Variants in CNGB3 observed in about 807,000 individuals in gnomAD.
CNGB3 encodes cyclic nucleotide-gated channel beta-3.
A neutral mutation model predicts 92.8 loss-of-function variants in CNGB3; 86 were observed. The observed-to-expected ratio is 0.93, with a 90% confidence interval of 0.78 to 1.11. The LOEUF (loss-of-function observed/expected upper bound fraction) is 1.11. Ranked by LOEUF, CNGB3 falls within the 50% of genes least tolerant of loss-of-function variation. CNGB3 has a pLI of 0.00. For synonymous variants in CNGB3, 333 were observed against 332.7 expected (o/e 1.00, Z -0.01); for missense variants, 1,026 against 956.8 (o/e 1.07, Z -0.95).
intron 3 of CNGB3, among the ~76,000 whole-genome samples, chr8:86,690,933 C>A (rs1040176434): frequency 2.0e-5 from 3 of 152,132 alleles, no homozygotes; most frequent in Admixed American, 6.5e-5. Flanking sequence ...TGTTTTGGTA[C>A]CAGTACCATG....
rs141011306 is a variant in CNGB3 at position 86,661,267 on chromosome 8, C to G, written c.852+5658G>C. ...TCATTGTGCAAAAGACTATCAGGGTCGACCTTCTGCAGTTTAACATGCCAG... is the reference window on the plus strand; with the variant it reads ...TCATTGTGCAAAAGACTATCAGGGTGGACCTTCTGCAGTTTAACATGCCAG... On this transcript the variant is annotated intron_variant, in intron 6 of 17. Coordinates refer to ENST00000320005, the MANE Select transcript of CNGB3 (RefSeq NM_019098.5). The G allele has an allele frequency of 2.1e-3, 723 of 337,412 alleles. 6 individuals carry two copies. The highest frequency in any genetic ancestry group is 0.015 in the African/African-American group (663 of 45,342). 20.9% of individuals were successfully genotyped at this position (337,412 alleles called of 1,614,324 possible).
At position 86,576,034 on chromosome 8, in the gene CNGB3, C is replaced by A. The variant is rs377050872; in HGVS notation, c.2200G>T (p.Gly734Ter). Residue 734 changes from glycine (G) to a stop codon, truncating the protein, a stop_gained, in exon 18 of 18, where the codon GGA becomes TGA. Coordinates refer to ENST00000320005, the MANE Select transcript of CNGB3 (RefSeq NM_019098.5). LOFTEE classifies it low-confidence loss of function (END_TRUNC). ...EDKQKENEDK[G>*]KENEDKDKGR... ...TTATCTTTATCTTCATTTTCTTTTC[C>A]TTTATCTTCATTTTCTTTTTGTTTA... 2 of 1,608,284 alleles carry A rather than the reference C, an allele frequency of 1.2e-6. No homozygotes were observed. Among genetic ancestry groups the A allele is most frequent in the South Asian group, 2.2e-5 (2 of 89,818 alleles).
intron 6 of CNGB3, chr8:86,657,574 G>A (rs142348437): frequency 2.3e-5 from 10 of 434,852 alleles, no homozygotes; most frequent in East Asian, 1.3e-4. Flanking sequence ...TGCTGTGGGC[G>A]AGGCTCATCT....
rs570167488 is a variant in CNGB3, at chr8:86,724,038, G to A, written c.338+2493C>T. Among the ~76,000 whole-genome samples the A allele has an allele frequency of 4.6e-5, 7 of 152,252 alleles. No individual in the cohort carries two copies. The East Asian group carries it at 9.7e-4, about 21-fold the overall frequency. On this transcript the variant is annotated intron_variant, in intron 3 of 17. Transcript: ENST00000320005. ...CATCAGAGCCTACTTGAGGATGACCGGAGGGAGGAGGCTGAGGGTCAAAAA... is the reference window on the plus strand; with the variant it reads ...CATCAGAGCCTACTTGAGGATGACCAGAGGGAGGAGGCTGAGGGTCAAAAA...
chr8:86,642,407 G>T (rs1001279637), intron 10 of CNGB3, among the ~76,000 whole-genome samples: 2 of 151,776 alleles, frequency 1.3e-5, no homozygotes, highest in African/African-American at 4.8e-5. Context: ...TGGAAATTGA[G>T]TGTCTGTGTG....
chr8:86,605,265 G>T (rs769437640), intron 14 of CNGB3, among the ~76,000 whole-genome samples: 1 of 152,134 alleles, frequency 6.6e-6, no homozygotes, highest in Non-Finnish European at 1.5e-5. Flanking sequence ...CTAGTGGGTG[G>T]TTATGAGGCC....
intron 3 of CNGB3, among the ~76,000 whole-genome samples, chr8:86,684,333 T>C (rs1268452462): frequency 6.6e-6 from 1 of 152,024 alleles, no homozygotes; most frequent in Non-Finnish European, 1.5e-5. Flanking sequence ...AAAATAAAAA[T>C]AGTGACAACA....
At chr8:86,598,188 T>A (rs2131553694) in intron 15 of CNGB3, among the ~76,000 whole-genome samples, 1 of 152,184 alleles carries the variant, frequency 6.6e-6, no homozygotes, top group African/African-American at 2.4e-5. Context: ...TATGATCAGA[T>A]CTGTGTTTCC....
In CNGB3 at chr8:86,629,097, T is replaced by C; in HGVS notation, c.1321-19A>G. The stretch of plus-strand genomic sequence containing the variant: ...CTCTCATCTAAAACCACAAATATGG[T>C]CACTCCACGCCCAGCAGAGGAAATG... On this transcript the variant is annotated intron_variant, in intron 11 of 17. Coordinates refer to ENST00000320005, the MANE Select transcript of CNGB3 (RefSeq NM_019098.5). 1 of 1,613,846 alleles carries C rather than the reference T, an allele frequency of 6.2e-7. No individual in the cohort carries two copies. The highest frequency in any genetic ancestry group is 8.5e-7 in the Non-Finnish European group (1 of 1,179,786).
chr8:86,626,171 GA>G (rs1248379663), intron 12 of CNGB3, 91 bp from the exon 13 acceptor site: 26 of 915,324 alleles, frequency 2.8e-5, no homozygotes, highest in Non-Finnish European at 4.2e-5. Flanking sequence ...TAAAATAAAG[GA>G]AACAAAATGC....
At chr8:86,644,836 C>T (rs763361534) in intron 8 of CNGB3, 150 bp from the exon 9 acceptor site, 29 of 510,436 alleles carry the variant, frequency 5.7e-5, no homozygotes, top group Non-Finnish European at 7.8e-5. Context: ...TGATATTTTC[C>T]TCTGGACAGT....
At chr8:86,698,052 T>C (rs978385098) in intron 3 of CNGB3, among the ~76,000 whole-genome samples, 5 of 152,222 alleles carry the variant, frequency 3.3e-5, no homozygotes, top group African/African-American at 1.2e-4. Context: ...TGGTGGACAT[T>C]TGGGAACCTT....
chr8:86,654,933 A>G (rs1035692566), intron 6 of CNGB3, among the ~76,000 whole-genome samples: 5 of 152,054 alleles, frequency 3.3e-5, no homozygotes, highest in Admixed American at 2.0e-4. Context: ...ACTTCCACTA[A>G]TATCACTTTC....
intron 6 of CNGB3, chr8:86,659,187 G>C (rs1254654106): frequency 1.1e-5 from 8 of 713,946 alleles, no homozygotes; most frequent in Non-Finnish European, 2.0e-5. Context: ...CACCTGCTCT[G>C]ACATCGGCTG....
At chr8:86,615,517 C>T (rs190530723) in intron 13 of CNGB3, among the ~76,000 whole-genome samples, 149 of 152,070 alleles carry the variant, frequency 9.8e-4, no homozygotes, top group African/African-American at 3.1e-3. Context: ...GTGACAAGAT[C>T]GCTAGAACCT....
rs151069254 is a variant in CNGB3, at chr8:86,637,045, C to T, written c.1179-4152G>A. ...GGTTCCTTCCATGTTTTGGCTATTG[C>T]GAATAATGCTGCAATGCTGCAATGA... On this transcript the variant is annotated intron_variant, in intron 10 of 17. Transcript: ENST00000320005. 6.3e-3 allele frequency among the ~76,000 whole-genome samples: 966 copies of T among 152,194 alleles called. 11 individuals are homozygous for T. Among genetic ancestry groups the T allele is most frequent in the African/African-American group, 0.022 (922 of 41,516 alleles).
chr8:86,678,718 G>C (rs1824023351), intron 3 of CNGB3, among the ~76,000 whole-genome samples: 1 of 152,044 alleles, frequency 6.6e-6, no homozygotes. Flanking sequence ...ACCTAACCCT[G>C]TTTAAAGTTA....
At chr8:86,699,233 A>G (rs1015872955) in intron 3 of CNGB3, among the ~76,000 whole-genome samples, 2 of 152,158 alleles carry the variant, frequency 1.3e-5, no homozygotes, top group Admixed American at 6.5e-5. Flanking sequence ...TTAGTGTCAT[A>G]TTGGAAATTA....
chr8:86,639,873 T>A (rs1196737116), intron 10 of CNGB3, among the ~76,000 whole-genome samples: 1 of 152,098 alleles, frequency 6.6e-6, no homozygotes, highest in African/African-American at 2.4e-5. Flanking sequence ...TCAGTCTAAA[T>A]GAGCAGAGCA....
Sources: allele counts gnomAD v4.1 joint callset (sites outside exome capture counted in the v4.1 genomes callset), GRCh38; gene constraint gnomAD v4.1.1; transcripts MANE v1.5; gene names NCBI Gene and HGNC (gene_info 2026-07-23, HGNC 2026-07-21).